The following PCDHGA8 variants were observed in gnomAD, a reference collection of about 807,000 sequenced individuals.
PCDHGA8 encodes the protein protocadherin gamma subfamily A, 8.
In PCDHGA8, 45 loss-of-function variants were observed where a neutral mutation model predicts 59.2. The observed-to-expected ratio is 0.76, with a 90% confidence interval of 0.60 to 0.98. PCDHGA8 has a LOEUF of 0.98. PCDHGA8 is among the 50% of genes least tolerant of loss of function. The probability of loss-of-function intolerance (pLI) is 0.00; values close to 1 mark genes in which losing one functional copy is unlikely to be tolerated. For synonymous variants in PCDHGA8, 531 were observed against 519.0 expected, an observed-to-expected ratio of 1.02 and a Z score of -0.32; for missense variants, 1,257 against 1,196.2, an observed-to-expected ratio of 1.05 and a Z score of -0.75.
Position 141,393,614 on chromosome 5 carries a change from C to T in PCDHGA8, c.801C>T (p.Ser267=), listed in dbSNP as rs971778718. 1.2e-6 allele frequency: 2 copies of T among 1,613,778 alleles called. No homozygotes were observed. The highest frequency in any genetic ancestry group is 1.7e-6 in the Non-Finnish European group (2 of 1,179,886). The change falls in exon 1 of 4, where the codon AGC becomes AGT. Residue 267 remains serine (S), a synonymous_variant. Coordinates refer to ENST00000398604, the MANE Select transcript of PCDHGA8 (RefSeq NM_032088.2). ...CGCGGCTGCTTACTGTAACAGCCAGCGACCCGGATGAGGGAATCAACGGAA... is the reference window on the plus strand; with the variant it reads ...CGCGGCTGCTTACTGTAACAGCCAGTGACCCGGATGAGGGAATCAACGGAA... ...PGTRLLTVTA[S]DPDEGINGKV... is the part of the protein sequence containing the mutation.
At chr5:141,418,800 GAT>G (rs777421725) in intron 1 of PCDHGA8, 1 of 1,613,800 alleles carries the variant, frequency 6.2e-7, no homozygotes, top group Non-Finnish European at 8.5e-7. Flanking sequence ...GAAGTAGAAA[GAT>G]ATACGATAAA....
intron 1 of PCDHGA8, chr5:141,414,623 C>G: frequency 6.2e-7 from 1 of 1,613,938 alleles, no homozygotes; most frequent in South Asian, 1.1e-5. Context: ...GCGCTGGACC[C>G]GGACAGCAAA....
intron 1 of PCDHGA8, chr5:141,421,172 G>T: frequency 7.3e-7 from 1 of 1,366,164 alleles, no homozygotes. Flanking sequence ...AGATACATAA[G>T]CCGATTCACA....
intron 1 of PCDHGA8, chr5:141,402,915 CAG>C: frequency 6.4e-7 from 1 of 1,564,688 alleles, no homozygotes; most frequent in Non-Finnish European, 8.7e-7. Flanking sequence ...GCAGCGCGCA[CAG>C]AGATCCTTTT....
At chr5:141,398,730 C>T (rs200411955) in intron 1 of PCDHGA8, 568 of 1,613,656 alleles carry the variant, frequency 3.5e-4, no homozygotes, top group Non-Finnish European at 4.6e-4. Context: ...AAACCTTAGA[C>T]CGGGAACAAC....
chr5:141,407,676 T>C (rs990367714), intron 1 of PCDHGA8, among the ~76,000 whole-genome samples: 1 of 152,162 alleles, frequency 6.6e-6, no homozygotes, highest in African/African-American at 2.4e-5. Flanking sequence ...TAAACAAAGA[T>C]TGGCTTTGTG....
At position 141,400,271 on chromosome 5, in the gene PCDHGA8, C is replaced by A. The variant is rs2093993934; in HGVS notation, c.2424+5034C>A. The A allele has an allele frequency of 4.3e-6, 7 of 1,614,094 alleles. No individual in the cohort carries two copies. In the African/African-American group the frequency reaches 9.3e-5, roughly 21 times the overall value. The stretch of plus-strand genomic sequence containing the variant: ...GTTGCCTTGCGCCTGCGACGCTCCT[C>A]CAGCCCTGCCGCCTGGAGCTGCTTC... On this transcript the variant is annotated intron_variant, in intron 1 of 3. Transcript: ENST00000398604.
chr5:141,418,350 T>A, intron 1 of PCDHGA8: 1 of 1,614,002 alleles, frequency 6.2e-7, no homozygotes, highest in Non-Finnish European at 8.5e-7. Context: ...GATATTAGTA[T>A]GAATTCGCTG....
chr5:141,400,734 G>T, intron 1 of PCDHGA8: 1 of 634,546 alleles, frequency 1.6e-6, no homozygotes, highest in Non-Finnish European at 2.7e-6. Context: ...AAAGTAGTGA[G>T]AGTTTGCTCT....
chr5:141,437,617 C>G (rs570138576), intron 1 of PCDHGA8, among the ~76,000 whole-genome samples: 1 of 152,220 alleles, frequency 6.6e-6, no homozygotes, highest in South Asian at 2.1e-4. Context: ...CTGCTTTATC[C>G]CCATATAAGA....
chr5:141,407,200 G>A (rs1054595818), intron 1 of PCDHGA8, among the ~76,000 whole-genome samples: 2 of 152,228 alleles, frequency 1.3e-5, no homozygotes, highest in East Asian at 1.9e-4. Context: ...TTTCAAACAC[G>A]TTTTCCCCCT....
At chr5:141,452,908 A>G (rs747849272) in intron 1 of PCDHGA8, among the ~76,000 whole-genome samples, 5 of 152,222 alleles carry the variant, frequency 3.3e-5, no homozygotes, top group African/African-American at 4.8e-5. Flanking sequence ...AGTTGGCATT[A>G]TACAGTAAGA....
At chr5:141,405,407 C>A (rs1252757330) in intron 1 of PCDHGA8, 3 of 1,582,052 alleles carry the variant, frequency 1.9e-6, no homozygotes, top group Non-Finnish European at 2.6e-6. Flanking sequence ...TCTTTCTTTT[C>A]TTTTTTTGTT....
At chr5:141,413,102 G>A in intron 1 of PCDHGA8, 1 of 1,480,778 alleles carries the variant, frequency 6.8e-7, no homozygotes, top group Non-Finnish European at 9.1e-7. Context: ...TGAAGCCACA[G>A]AAAGACAAAG....
At chr5:141,410,005 C>T (rs1009148964) in intron 1 of PCDHGA8, 16 of 1,613,172 alleles carry the variant, frequency 9.9e-6, no homozygotes, top group Non-Finnish European at 1.3e-5. Context: ...CGGGACACAA[C>T]GCCTGGCTGT....
intron 1 of PCDHGA8, chr5:141,409,458 A>G (rs1435071611): frequency 4.3e-6 from 7 of 1,613,820 alleles, no homozygotes; most frequent in East Asian, 2.2e-5. Context: ...CCAGAATACA[A>G]TGTCACCATC....
intron 2 of PCDHGA8, among the ~76,000 whole-genome samples, chr5:141,500,184 TTTTATTTA>T (rs58019021): frequency 0.099 from 13,469 of 135,812 alleles, 757 homozygotes; most frequent in African/African-American, 0.15. Context: ...TCATTTTTAT[TTTTATTTA>T]TTTATTTATT....
chr5:141,431,351 C>A lies in PCDHGA8; in HGVS notation c.2424+36114C>A. On this transcript the variant is annotated intron_variant, in intron 1 of 3. Coordinates refer to ENST00000398604, the MANE Select transcript of PCDHGA8 (RefSeq NM_032088.2). The surrounding 1 kb of genome is among the most constrained non-coding windows in gnomAD (Gnocchi z 4.8). ...TAAGTACCCCGAATTGGTGCTGAAA[C>A]GCGCCCTGGACCGCGAAGAAAAGGC... The A allele has an allele frequency of 6.2e-7, 1 of 1,614,064 alleles. No individual in the cohort carries two copies. The highest frequency in any genetic ancestry group is 8.5e-7 in the Non-Finnish European group (1 of 1,180,042).
At chr5:141,441,863 C>A in intron 1 of PCDHGA8, 2 of 342,418 alleles carry the variant, frequency 5.8e-6, no homozygotes, top group African/African-American at 2.2e-5. Flanking sequence ...CTGCACGCCG[C>A]GGAGCCTGGC....
Sources: gnomAD v4.1 joint callset for allele counts (sites outside exome capture counted in the v4.1 genomes callset) on GRCh38, gnomAD v4.1.1 for gene constraint, Gnocchi (gnomAD v3.1) non-coding constraint, MANE v1.5 for transcripts, NCBI Gene and HGNC (gene_info 2026-07-23, HGNC 2026-07-21) for gene names.